The following HDHD2 variants were observed in gnomAD, a reference collection of about 807,000 sequenced individuals.
HDHD2 encodes haloacid dehalogenase-like hydrolase domain-containing protein 2.
In HDHD2, 26 loss-of-function variants were observed where a neutral mutation model predicts 24.8. That is an observed-to-expected ratio of 1.05 (90% CI 0.77 to 1.45). The LOEUF (loss-of-function observed/expected upper bound fraction) is 1.45. Ranked by LOEUF, HDHD2 falls within the 40% of genes most tolerant of loss-of-function variation. HDHD2 has a pLI of 0.00. For synonymous variants in HDHD2, 128 were observed against 114.9 expected, an observed-to-expected ratio of 1.11 and a Z score of -0.73; for missense variants, 299 against 313.4, an observed-to-expected ratio of 0.95 and a Z score of 0.35.
chr18:47,108,711 C>A lies in HDHD2; in HGVS notation c.751G>T (p.Val251Leu), dbSNP rs1383175223. ...YLTCESFPHA[V>L]DHILQHLL ...AATAGGTGCTGCAGAATGTGGTCCA[C>A]AGCATGAGGGAAACTCTCACAAGTT... Residue 251 changes from valine (V) to leucine (L), a missense_variant, in exon 7 of 7, where the codon GTG (valine) becomes TTG (leucine). Transcript: ENST00000300605. 8.1e-6 allele frequency: 13 copies of A among 1,607,680 alleles called. No homozygotes were observed. In the East Asian group the frequency reaches 2.5e-4, roughly 30 times the overall value.
At chr18:47,134,881 T>G (rs906066549) in intron 2 of HDHD2, among the ~76,000 whole-genome samples, 177 bp from the exon 3 acceptor site, 1 of 152,222 alleles carries the variant, frequency 6.6e-6, no homozygotes, top group African/African-American at 2.4e-5. Context: ...AGAGATGTCA[T>G]TGTTCACCAG....
intron 4 of HDHD2, among the ~76,000 whole-genome samples, chr18:47,125,605 C>T (rs756700625): frequency 1.5e-4 from 23 of 152,218 alleles, no homozygotes; most frequent in South Asian, 4.1e-4. Context: ...TACTGGTACA[C>T]GCAAAAACTT....
chr18:47,148,443 C>A (rs145771741), intron 1 of HDHD2, among the ~76,000 whole-genome samples: 2 of 152,200 alleles, frequency 1.3e-5, no homozygotes, highest in African/African-American at 2.4e-5. Context: ...CTCCCATAAT[C>A]GGAACAAATT....
rs371392046 is a variant in HDHD2 at position 47,108,690 on chromosome 18, G to A, written c.772C>T (p.Leu258=). ...PHAVDHILQH[L]L Reference sequence around the variant, plus strand: ...CAGATGCACACACTGCTTCACAATAGGTGCTGCAGAATGTGGTCCACAGCA... The same window carrying A: ...CAGATGCACACACTGCTTCACAATAAGTGCTGCAGAATGTGGTCCACAGCA... The change falls in exon 7 of 7, where the codon CTA becomes TTA. Residue 258 remains leucine (L), a synonymous_variant. Coordinates refer to ENST00000300605, the MANE Select transcript of HDHD2 (RefSeq NM_032124.5). 16 of 1,563,420 alleles carry A rather than the reference G, an allele frequency of 1.0e-5. No individual in the cohort carries two copies. Among genetic ancestry groups the A allele is most frequent in the Non-Finnish European group, 1.4e-5 (16 of 1,137,718 alleles).
At chr18:47,148,568 G>A (rs1415765897) in intron 1 of HDHD2, among the ~76,000 whole-genome samples, 1 of 152,124 alleles carries the variant, frequency 6.6e-6, no homozygotes, top group African/African-American at 2.4e-5. Flanking sequence ...TACTTCAGAG[G>A]ACATCTGGGC....
chr18:47,136,275 GATCT>G lies in HDHD2; in HGVS notation c.101+60_101+63del, dbSNP rs559299726. 4.1e-5 allele frequency: 65 copies of G among 1,596,856 alleles called. No individual in the cohort carries two copies. The South Asian group carries it at 7.0e-4, about 17-fold the overall frequency. On this transcript the variant is annotated intron_variant, in intron 2 of 6. Transcript: ENST00000300605. ...TCTTAAGGCCATCCATTTAGCTAATGATCTGCCGTGGTAAAATGGCACTTACAAA... is the reference window on the plus strand; with the variant it reads ...TCTTAAGGCCATCCATTTAGCTAATGGCCGTGGTAAAATGGCACTTACAAA...
chr18:47,126,848 G>A (rs1249496233), intron 4 of HDHD2, among the ~76,000 whole-genome samples: 6 of 152,052 alleles, frequency 3.9e-5, no homozygotes, highest in Admixed American at 3.3e-4. Flanking sequence ...GTTCTCAGGA[G>A]TTTTTTAAAA....
intron 4 of HDHD2, among the ~76,000 whole-genome samples, chr18:47,119,518 T>C (rs185310717): frequency 6.6e-6 from 1 of 152,310 alleles, no homozygotes; most frequent in East Asian, 1.9e-4. Flanking sequence ...ATCGCAGCGA[T>C]TCAGTAACAT....
chr18:47,120,661 T>G (rs1397488341), intron 4 of HDHD2, among the ~76,000 whole-genome samples: 2 of 152,356 alleles, frequency 1.3e-5, no homozygotes, highest in East Asian at 3.9e-4. Flanking sequence ...GCTTTCAGCC[T>G]ATCTCGGCTT....
intron 4 of HDHD2, among the ~76,000 whole-genome samples, chr18:47,125,305 A>G (rs2063647785): frequency 1.3e-5 from 2 of 152,224 alleles, no homozygotes; most frequent in Non-Finnish European, 2.9e-5. Context: ...ATGTCTTGGT[A>G]CAATCACTTT....
chr18:47,121,647 C>A (rs1356074234), intron 4 of HDHD2, among the ~76,000 whole-genome samples: 1 of 152,140 alleles, frequency 6.6e-6, no homozygotes, highest in Admixed American at 6.5e-5. Flanking sequence ...TTAATAGCTT[C>A]TCATGGCAAC....
intron 6 of HDHD2, chr18:47,110,996 T>C: frequency 1.0e-6 from 1 of 985,178 alleles, no homozygotes; most frequent in East Asian, 1.1e-4. Context: ...TTACGGTTAT[T>C]TTCAACACTG....
chr18:47,111,896 T>A, intron 6 of HDHD2: 2 of 656,900 alleles, frequency 3.0e-6, no homozygotes, highest in Non-Finnish European at 3.8e-6. Context: ...ACTTTATGTT[T>A]AAATATTCCC....
At chr18:47,126,004 C>G (rs925614336) in intron 4 of HDHD2, among the ~76,000 whole-genome samples, 4 of 152,172 alleles carry the variant, frequency 2.6e-5, no homozygotes, top group Non-Finnish European at 1.5e-5. Context: ...AGCAGTGATT[C>G]TGATACTCAA....
intron 5 of HDHD2, among the ~76,000 whole-genome samples, chr18:47,113,772 C>T (rs2063534993): frequency 6.6e-6 from 1 of 151,758 alleles, no homozygotes; most frequent in Non-Finnish European, 1.5e-5. Context: ...CCTTAAAAAC[C>T]ATTAATATTG....
At chr18:47,124,290 T>C (rs1419826652) in intron 4 of HDHD2, among the ~76,000 whole-genome samples, 1 of 152,134 alleles carries the variant, frequency 6.6e-6, no homozygotes, top group Non-Finnish European at 1.5e-5. Flanking sequence ...TACTGACAAA[T>C]TGAACTACAT....
intron 1 of HDHD2, among the ~76,000 whole-genome samples, chr18:47,142,235 GAAATT>G (rs1255615282): frequency 1.3e-5 from 2 of 150,574 alleles, no homozygotes; most frequent in Non-Finnish European, 3.0e-5. Flanking sequence ...AAAATAATAT[GAAATT>G]AAAGTTTTAG....
At chr18:47,109,031 C>T (rs764982982) in intron 6 of HDHD2, 18 of 459,100 alleles carry the variant, frequency 3.9e-5, no homozygotes, top group South Asian at 1.8e-4. Context: ...GGTACTGGAT[C>T]GTCTGACAGC....
chr18:47,139,461 T>A (rs1356953053), intron 1 of HDHD2, among the ~76,000 whole-genome samples: 1 of 87,688 alleles, frequency 1.1e-5, no homozygotes, highest in Non-Finnish European at 2.0e-5. Context: ...CGAGACTCTG[T>A]CTCAAAAAAA....
Sources: gnomAD v4.1 joint callset for allele counts (sites outside exome capture counted in the v4.1 genomes callset) on GRCh38, gnomAD v4.1.1 for gene constraint, MANE v1.5 for transcripts, NCBI Gene and HGNC (gene_info 2026-07-23, HGNC 2026-07-21) for gene names.